Variants in ABHD2 observed in about 807,000 individuals in gnomAD.
ABHD2 encodes abhydrolase domain containing 2, acylglycerol lipase.
A neutral mutation model predicts 48.1 loss-of-function variants in ABHD2; 20 were observed. That is an observed-to-expected ratio of 0.42 (90% CI 0.29 to 0.60). The LOEUF is 0.60. Among genes scored for constraint, ABHD2 ranks in the 20% least tolerant of loss-of-function variants. The probability of loss-of-function intolerance (pLI) is 0.24; values close to 1 mark genes in which losing one functional copy is unlikely to be tolerated. For missense variants in ABHD2, 405 were observed against 550.9 expected (o/e 0.74, Z 2.65); for synonymous variants, 209 against 214.2 (o/e 0.98, Z 0.21).
Position 89,135,725 on chromosome 15 carries a change from G to A in ABHD2, c.195-15952G>A, listed in dbSNP as rs184733086. ...CTTTTCTTACTTTTCCTTCAGCTTCGCAGCCTTCTTTTTATAAGGCTGCCT... is the reference window on the plus strand; with the variant it reads ...CTTTTCTTACTTTTCCTTCAGCTTCACAGCCTTCTTTTTATAAGGCTGCCT... On this transcript the variant is annotated intron_variant, in intron 3 of 10. Coordinates refer to ENST00000352732, the MANE Select transcript of ABHD2 (RefSeq NM_152924.5). The A allele has an allele frequency of 7.0e-4, 882 of 1,262,372 alleles. 7 individuals carry two copies. The East Asian group carries it at 0.017, about 24-fold the overall frequency. The allele number at this position is 1,262,372 out of a possible 1,614,324, so 78.2% of individuals were successfully genotyped here.
Position 89,185,371 on chromosome 15 carries a change from G to A in ABHD2, c.723-53G>A. 1 of 1,494,670 alleles carries A rather than the reference G, an allele frequency of 6.7e-7. No individual in the cohort carries two copies. Among genetic ancestry groups the A allele is most frequent in the Non-Finnish European group, 9.3e-7 (1 of 1,075,004 alleles). The allele number at this position is 1,494,670 out of a possible 1,614,324, so 92.6% of individuals were successfully genotyped here. Reference sequence around the variant, plus strand: ...CCATGGCTAGAGCCCCCTCCTGGCTGCCCGCCTGCACCCCCACACCGCAGT... The same window carrying A: ...CCATGGCTAGAGCCCCCTCCTGGCTACCCGCCTGCACCCCCACACCGCAGT... On this transcript the variant is annotated intron_variant, in intron 6 of 10. Transcript: ENST00000352732. This position sits in a 1 kb window ranked among gnomAD's most constrained non-coding sequence, Gnocchi z 5.9.
intron 3 of ABHD2, among the ~76,000 whole-genome samples, chr15:89,121,513 A>C (rs1187359722): frequency 6.6e-6 from 1 of 151,908 alleles, no homozygotes; most frequent in Non-Finnish European, 1.5e-5. Context: ...TAAAATATAC[A>C]AATCTTAAGT....
chr15:89,083,955 C>T (rs1901316837), upstream of ABHD2, among the ~76,000 whole-genome samples: 1 of 152,168 alleles, frequency 6.6e-6, no homozygotes, highest in Non-Finnish European at 1.5e-5. This position sits in a 1 kb window ranked among gnomAD's most constrained non-coding sequence, Gnocchi z 5.1. Flanking sequence ...ATGCAGACTG[C>T]ACCGGCTGTG....
chr15:89,135,320 T>A (rs541571155), intron 3 of ABHD2, among the ~76,000 whole-genome samples: 8 of 151,852 alleles, frequency 5.3e-5, no homozygotes, highest in African/African-American at 1.4e-4. Context: ...ACAATCCCCA[T>A]ACTGTACTAG....
At position 89,155,501 on chromosome 15, in the gene ABHD2, A is replaced by G. The variant is rs747437566; in HGVS notation, c.505A>G (p.Ile169Val). The G allele has an allele frequency of 6.2e-7, 1 of 1,614,082 alleles. No individual in the cohort carries two copies. The highest frequency in any genetic ancestry group is 8.5e-7 in the Non-Finnish European group (1 of 1,179,980). Residue 169 changes from isoleucine to valine, a missense_variant, in exon 5 of 11, where the codon ATT becomes GTT. Ile to Val is a conservative substitution (Grantham distance 29). Transcript: ENST00000352732. This position sits in a 1 kb window ranked among gnomAD's most constrained non-coding sequence, Gnocchi z 4.9. ...GAACCACCTGGGTGCCCTGCCCAACATTGAATTGACCTCGCCACGCATGTT... is the reference window on the plus strand; with the variant it reads ...GAACCACCTGGGTGCCCTGCCCAACGTTGAATTGACCTCGCCACGCATGTT... ...VLNHLGALPN[I>V]ELTSPRMFTY...
rs2051464875 is a variant in ABHD2 at position 89,201,487 on chromosome 15, G to A, written c.*6064G>A. 1 of 1,557,760 alleles carries A rather than the reference G, an allele frequency of 6.4e-7. No homozygotes were observed. The highest frequency in any genetic ancestry group is 8.8e-7 in the Non-Finnish European group (1 of 1,130,566). ...CTCATTCCACACAGCTTCCATATCT[G>A]AAGTGTTTAGTGGAGCAAAAATTGT... On this transcript the variant is annotated 3_prime_UTR_variant, in exon 11 of 11. Transcript: ENST00000352732.
chr15:89,119,768 C>CTCTGGACTGGAG (rs2050018454), intron 3 of ABHD2, among the ~76,000 whole-genome samples: 2 of 152,310 alleles, frequency 1.3e-5, no homozygotes, highest in East Asian at 3.9e-4. Flanking sequence ...CTGTTTCTGT[C>CTCTGGACTGGAG]ACTCCACTGG....
In ABHD2 at chr15:89,189,744, C is replaced by A. The variant is rs926985044; in HGVS notation, c.927-1336C>A. On this transcript the variant is annotated intron_variant, in intron 8 of 10. Transcript: ENST00000352732. The surrounding 1 kb of genome is among the most constrained non-coding windows in gnomAD (Gnocchi z 4.9). ...AAGGTGAAAAATGAATCTTACCCAC[C>A]CTCACTTCAGATGAAGTGTGTGACT... Among the ~76,000 whole-genome samples the A allele has an allele frequency of 1.3e-4, 20 of 152,102 alleles. No homozygotes were observed. Among genetic ancestry groups the A allele is most frequent in the African/African-American group, 4.8e-4 (20 of 41,400 alleles).
chr15:89,060,210 C>T, the ABHD2 span, among the ~76,000 whole-genome samples: 1 of 150,926 alleles, frequency 6.6e-6, no homozygotes, highest in Non-Finnish European at 1.5e-5. Context: ...CCTGTCTCAG[C>T]CTCCCAAGTA....
intron 3 of ABHD2, among the ~76,000 whole-genome samples, chr15:89,133,422 A>G (rs888944279): frequency 1.3e-5 from 2 of 152,194 alleles, no homozygotes; most frequent in African/African-American, 4.8e-5. Context: ...CTACTGGGTC[A>G]AAGGGGATGT....
At chr15:89,079,683 A>T in the ABHD2 span, among the ~76,000 whole-genome samples, 1 of 152,230 alleles carries the variant, frequency 6.6e-6, no homozygotes, top group East Asian at 1.9e-4. The surrounding 1 kb of genome is among the most constrained non-coding windows in gnomAD (Gnocchi z 4.3). Context: ...TTTTATGGGG[A>T]TGCGGCAAAT....
upstream of ABHD2, among the ~76,000 whole-genome samples, chr15:89,082,999 C>T (rs1003093980): frequency 5.3e-5 from 8 of 152,124 alleles, no homozygotes; most frequent in Non-Finnish European, 8.8e-5. This position sits in a 1 kb window ranked among gnomAD's most constrained non-coding sequence, Gnocchi z 4.4. Context: ...GAATTACAGG[C>T]GCCTGCCACC....
In ABHD2 at chr15:89,133,696, T is replaced by C. The variant is rs1318620774; in HGVS notation, c.194+17175T>C. Among the ~76,000 whole-genome samples the C allele has an allele frequency of 2.6e-5, 4 of 152,308 alleles. No homozygotes were observed. The East Asian group carries it at 5.8e-4, about 22-fold the overall frequency. Reference sequence around the variant, plus strand: ...CCTCTAACCATTTTTCTGATGGTCATTGGTCTTTTTCCTAATCATTTGAGG... The same window carrying C: ...CCTCTAACCATTTTTCTGATGGTCACTGGTCTTTTTCCTAATCATTTGAGG... On this transcript the variant is annotated intron_variant, in intron 3 of 10. Coordinates refer to ENST00000352732, the MANE Select transcript of ABHD2 (RefSeq NM_152924.5).
chr15:89,187,507 G>T (rs542186006), intron 7 of ABHD2, among the ~76,000 whole-genome samples: 2 of 152,296 alleles, frequency 1.3e-5, no homozygotes, highest in East Asian at 1.9e-4. Context: ...AACAAATTCA[G>T]TCCGCTTCCA....
chr15:89,147,452 T>C (rs28437408), intron 3 of ABHD2, among the ~76,000 whole-genome samples: 87,298 of 148,744 alleles, frequency 0.59, 27,216 homozygotes, highest in East Asian at 0.84. Context: ...CTCCCAGGTT[T>C]ACGCCATTCT....
At chr15:89,191,649 A>G (rs796578267) in intron 9 of ABHD2, among the ~76,000 whole-genome samples, 5 of 131,848 alleles carry the variant, frequency 3.8e-5, no homozygotes, top group African/African-American at 1.2e-4. Flanking sequence ...TTTTTTTGAG[A>G]TGGAGTCTCG....
chr15:89,169,149 T>C lies in ABHD2; in HGVS notation c.539-6663T>C, dbSNP rs557471300. 5.9e-5 allele frequency among the ~76,000 whole-genome samples: 9 copies of C among 152,118 alleles called. No individual in the cohort carries two copies. The East Asian group carries it at 1.5e-3, about 26-fold the overall frequency. On this transcript the variant is annotated intron_variant, in intron 5 of 10. Coordinates refer to ENST00000352732, the MANE Select transcript of ABHD2 (RefSeq NM_152924.5). ...CAAATGGTTGGGGGGAGTAAGATGT[T>C]TAATAATTGAAGCATAAATCTCTGG...
intron 3 of ABHD2, among the ~76,000 whole-genome samples, chr15:89,147,376 CAG>C (rs1222724568): frequency 2.0e-5 from 2 of 97,860 alleles, no homozygotes; most frequent in Non-Finnish European, 3.5e-5. Context: ...TTTTTTGAGA[CAG>C]AGTCTCGCTC....
chr15:89,041,384 T>C, the ABHD2 span: 3 of 152,218 alleles, frequency 2.0e-5, no homozygotes, highest in Non-Finnish European at 4.4e-5. Context: ...GAGTTTCGGA[T>C]TGAATTCTGC....
Sources: allele counts gnomAD v4.1 joint callset (sites outside exome capture counted in the v4.1 genomes callset), GRCh38; gene constraint gnomAD v4.1.1; non-coding constraint Gnocchi (gnomAD v3.1); transcripts MANE v1.5; gene names NCBI Gene and HGNC (gene_info 2026-07-23, HGNC 2026-07-21).